ARRB1: variants seen among roughly 807,000 people sequenced by gnomAD.
ARRB1 encodes the protein arrestin beta 1, also known as beta-arrestin-1.
In ARRB1, 21 loss-of-function variants were observed where a neutral mutation model predicts 56.8. That is an observed-to-expected ratio of 0.37 (90% CI 0.26 to 0.53). The LOEUF is 0.53. Among genes scored for constraint, ARRB1 ranks in the 20% least tolerant of loss-of-function variants. The pLI is 0.88. For synonymous variants in ARRB1, 210 were observed against 218.6 expected (o/e 0.96, Z 0.35); for missense variants, 424 against 553.7 (o/e 0.77, Z 2.35).
chr11:75,337,700 C>T (rs1312878576), intron 1 of ARRB1, among the ~76,000 whole-genome samples: 2 of 151,126 alleles, frequency 1.3e-5, no homozygotes, highest in African/African-American at 2.4e-5. Context: ...GCCATTCACT[C>T]TACCTGGGCA....
intron 1 of ARRB1, among the ~76,000 whole-genome samples, chr11:75,316,690 G>A (rs1947271754): frequency 6.6e-6 from 1 of 152,134 alleles, no homozygotes; most frequent in South Asian, 2.1e-4. Flanking sequence ...ACACAGGCAG[G>A]AGAATCATTT....
intron 8 of ARRB1, among the ~76,000 whole-genome samples, chr11:75,278,317 G>C (rs1946245943): frequency 6.6e-6 from 1 of 152,256 alleles, no homozygotes; most frequent in Non-Finnish European, 1.5e-5. Context: ...GCCTGAGGCA[G>C]GCAGCTGGTG....
At chr11:75,340,587 C>A (rs1947679378) in intron 1 of ARRB1, among the ~76,000 whole-genome samples, 1 of 152,206 alleles carries the variant, frequency 6.6e-6, no homozygotes, top group Non-Finnish European at 1.5e-5. Context: ...TCTTTTGCTG[C>A]CTCCTCCAGA....
intron 10 of ARRB1, among the ~76,000 whole-genome samples, chr11:75,275,137 A>ATTTTAT (rs1946169655): frequency 6.7e-6 from 1 of 148,170 alleles, no homozygotes; most frequent in Middle Eastern, 3.2e-3. Flanking sequence ...ATTTTATTTT[A>ATTTTAT]TTTTATTTTA....
intron 1 of ARRB1, among the ~76,000 whole-genome samples, chr11:75,344,363 C>G (rs1300545311): frequency 6.6e-6 from 1 of 152,200 alleles, no homozygotes; most frequent in Non-Finnish European, 1.5e-5. Flanking sequence ...GGGCCTCTCA[C>G]CTGATTTGAC....
chr11:75,312,247 G>T (rs71467873), intron 1 of ARRB1: 65,662 of 932,794 alleles, frequency 0.07, 4,354 homozygotes, highest in South Asian at 0.25. Flanking sequence ...CTGAGAACAG[G>T]CCTGCCCCTG....
chr11:75,289,134 T>C (rs1483915519), intron 2 of ARRB1, among the ~76,000 whole-genome samples: 2 of 152,138 alleles, frequency 1.3e-5, no homozygotes, highest in African/African-American at 2.4e-5. Context: ...AAGAGAGATG[T>C]GGAAGCACAC....
chr11:75,342,162 C>T (rs1397752855), intron 1 of ARRB1, among the ~76,000 whole-genome samples: 1 of 152,206 alleles, frequency 6.6e-6, no homozygotes, highest in Non-Finnish European at 1.5e-5. Context: ...CTCCATTCAC[C>T]CCACTTGGGT....
chr11:75,287,635 A>T (rs1207267686), intron 2 of ARRB1, among the ~76,000 whole-genome samples: 7 of 152,336 alleles, frequency 4.6e-5, no homozygotes, highest in African/African-American at 1.7e-4. Context: ...GAGGACACTG[A>T]GGCCCGGAGA....
At chr11:75,269,779 A>T (rs1440371179) in intron 13 of ARRB1, among the ~76,000 whole-genome samples, 1 of 152,254 alleles carries the variant, frequency 6.6e-6, no homozygotes, top group African/African-American at 2.4e-5. Flanking sequence ...ATCTTGCCCA[A>T]GGCCACACAG....
At chr11:75,336,998 A>G (rs1383210967) in intron 1 of ARRB1, among the ~76,000 whole-genome samples, 1 of 152,226 alleles carries the variant, frequency 6.6e-6, no homozygotes, top group African/African-American at 2.4e-5. Flanking sequence ...AAAAAGATAG[A>G]CATGTTTTAT....
chr11:75,294,556 CAAAA>C (rs1474776176), intron 1 of ARRB1, among the ~76,000 whole-genome samples: 2 of 122,406 alleles, frequency 1.6e-5, no homozygotes, highest in Non-Finnish European at 3.4e-5. Flanking sequence ...GACTCCGTCT[CAAAA>C]ATAAATAAAT....
At position 75,267,765 on chromosome 11, in the gene ARRB1, G is replaced by C. The variant is rs376953221; in HGVS notation, c.1094-62C>G. On this transcript the variant is annotated intron_variant, in intron 14 of 15. Transcript: ENST00000420843. ...TAGTGAGTGGATGAGCACGGGGCGA[G>C]TAAGCACAGGCCCCCACCCTGGGAC... 7 of 1,446,870 alleles carry C rather than the reference G, an allele frequency of 4.8e-6. No individual in the cohort carries two copies. In the African/African-American group the frequency reaches 9.8e-5, roughly 20 times the overall value. The allele number at this position is 1,446,870 out of a possible 1,614,324, so 89.6% of individuals were successfully genotyped here.
intron 10 of ARRB1, among the ~76,000 whole-genome samples, chr11:75,276,635 G>A (rs562704662): frequency 1.3e-5 from 2 of 152,298 alleles, no homozygotes; most frequent in African/African-American, 4.8e-5. Flanking sequence ...TTCCTTGACT[G>A]TAGCATGCAT....
Position 75,262,973 on chromosome 11 carries a change from G to T in ARRB1, c.*3190C>A, listed in dbSNP as rs1945831170. Reference sequence around the variant, plus strand: ...TTCCCCTGGGTGGAATGCTGAGGAGGTCCCGCTGGCTCTCTGCTCGGTGGG... The same window carrying T: ...TTCCCCTGGGTGGAATGCTGAGGAGTTCCCGCTGGCTCTCTGCTCGGTGGG... On this transcript the variant is annotated 3_prime_UTR_variant, in exon 16 of 16. Transcript: ENST00000420843. Among the ~76,000 whole-genome samples, 2 of 152,196 alleles carry T rather than the reference G, an allele frequency of 1.3e-5. No individual in the cohort carries two copies. The highest frequency in any genetic ancestry group is 2.9e-5 in the Non-Finnish European group (2 of 68,036).
intron 3 of ARRB1, among the ~76,000 whole-genome samples, chr11:75,286,344 C>A (rs34891647): frequency 0.01 from 1,354 of 132,546 alleles, 16 homozygotes; most frequent in African/African-American, 0.036. Flanking sequence ...ATCTCGCTAA[C>A]TGCAACTCTG....
chr11:75,351,516 C>G (rs1934937153), intron 1 of ARRB1, 72 bp downstream of exon 1: 1 of 1,493,992 alleles, frequency 6.7e-7, no homozygotes, highest in African/African-American at 1.5e-5. Flanking sequence ...AGGACGCAAT[C>G]GGAGCCCCCG....
chr11:75,347,890 T>C (rs1947796905), intron 1 of ARRB1, among the ~76,000 whole-genome samples: 1 of 152,190 alleles, frequency 6.6e-6, no homozygotes, highest in East Asian at 1.9e-4. Flanking sequence ...TTCTCAACTC[T>C]ATCCTCTCTG....
At chr11:75,327,930 C>T (rs1310873992) in intron 1 of ARRB1, among the ~76,000 whole-genome samples, 1 of 152,060 alleles carries the variant, frequency 6.6e-6, no homozygotes, top group African/African-American at 2.4e-5. Context: ...CAGCAAGACC[C>T]TGTCTCTACA....
Sources: allele counts gnomAD v4.1 joint callset (sites outside exome capture counted in the v4.1 genomes callset), GRCh38; gene constraint gnomAD v4.1.1; transcripts MANE v1.5; gene names NCBI Gene and HGNC (gene_info 2026-07-23, HGNC 2026-07-21).